The following FOCAD variants were observed in gnomAD, a reference collection of about 807,000 sequenced individuals.
FOCAD encodes the protein KIAA1797.
In FOCAD, 198 loss-of-function variants were observed where a neutral mutation model predicts 225.6. The observed-to-expected ratio is 0.88, with a 90% CI of 0.78 to 0.99. The LOEUF (loss-of-function observed/expected upper bound fraction) is 0.99. Among genes scored for constraint, FOCAD ranks in the 50% least tolerant of loss-of-function variants. The pLI is 0.00. For missense variants in FOCAD, 2,713 were observed against 2,123.6 expected (o/e 1.28, Z -5.46); for synonymous variants, 897 against 755.0 (o/e 1.19, Z -3.08).
intron 15 of FOCAD, among the ~76,000 whole-genome samples, chr9:20,844,727 A>C (rs550188300): frequency 6.6e-6 from 1 of 152,060 alleles, no homozygotes; most frequent in Non-Finnish European, 1.5e-5. Context: ...GCAGAGATCG[A>C]AGTCACTTTG....
intron 11 of FOCAD, among the ~76,000 whole-genome samples, chr9:20,802,131 G>A (rs1480527299): frequency 6.6e-6 from 1 of 152,108 alleles, no homozygotes; most frequent in African/African-American, 2.4e-5. Context: ...AGTGATTTGG[G>A]ATGATTTCTA....
chr9:20,668,005 C>T (rs988260309), intron 2 of FOCAD, among the ~76,000 whole-genome samples: 3 of 152,114 alleles, frequency 2.0e-5, no homozygotes, highest in Non-Finnish European at 4.4e-5. Flanking sequence ...TATTCTTTTA[C>T]ATTTGCTGAA....
intron 35 of FOCAD, among the ~76,000 whole-genome samples, chr9:20,960,900 A>G (rs1006132373): frequency 1.3e-4 from 20 of 152,066 alleles, no homozygotes; most frequent in Non-Finnish European, 2.6e-4. Context: ...AGCTTCATCC[A>G]TGTCCCTACA....
At chr9:20,832,319 G>A (rs998119761) in intron 15 of FOCAD, among the ~76,000 whole-genome samples, 2 of 151,870 alleles carry the variant, frequency 1.3e-5, no homozygotes, top group African/African-American at 2.4e-5. Context: ...CTTTTCTTCT[G>A]TTCTCCCCAA....
chr9:20,783,573 TGA>T, intron 10 of FOCAD, among the ~76,000 whole-genome samples: 1 of 148,544 alleles, frequency 6.7e-6, no homozygotes. Context: ...CAAGATTATT[TGA>T]CTATTGGATT....
chr9:20,986,266 A>ATTTTCTTTTTTTTTTTT, intron 39 of FOCAD, 22 bp from the exon 40 acceptor site: 1 of 705,686 alleles, frequency 1.4e-6, no homozygotes, highest in Non-Finnish European at 1.8e-6. Flanking sequence ...TAACTAAACA[A>ATTTTCTTTTTTTTTTTT]TTTTTTTTTT....
Position 20,986,307 on chromosome 9 carries a change from C to A in FOCAD, c.4748C>A (p.Ala1583Asp). ...TTGCAGAGCAACATAGAAAAAGCTG[C>A]CTTTGTCAAACTGTACTTAGTCTCT... is the stretch of plus-strand genomic sequence containing the variant. The part of the protein sequence containing the change: ...QVTKSNIEKA[A>D]FVKLYLVSQG... The change falls in exon 40 of 44, where the codon GCC becomes GAC. Residue 1583 changes from alanine (A) to aspartate (D), a missense_variant. By Grantham distance (126) the Ala-to-Asp change is moderately radical. Transcript: ENST00000338382. 9.9e-7 allele frequency: 1 copy of A among 1,007,784 alleles called. No homozygotes were observed. Among genetic ancestry groups the A allele is most frequent in the Non-Finnish European group, 1.3e-6 (1 of 785,176 alleles). 62.4% of individuals were successfully genotyped at this position (1,007,784 alleles called of 1,614,324 possible).
At chr9:20,685,501 T>A in intron 1 of FOCAD, among the ~76,000 whole-genome samples, 1 of 152,248 alleles carries the variant, frequency 6.6e-6, no homozygotes, top group East Asian at 1.9e-4. Context: ...AGCAAGTGCA[T>A]GTTTACAATT....
intron 1 of FOCAD, among the ~76,000 whole-genome samples, chr9:20,691,297 C>G (rs890783186): frequency 2.0e-5 from 3 of 152,006 alleles, no homozygotes; most frequent in Non-Finnish European, 1.5e-5. Flanking sequence ...ACCACAATTC[C>G]TGGTTTTCCT....
intron 15 of FOCAD, among the ~76,000 whole-genome samples, chr9:20,854,878 C>A (rs1828011282): frequency 6.6e-6 from 1 of 151,730 alleles, no homozygotes; most frequent in Non-Finnish European, 1.5e-5. Flanking sequence ...GCATTGTAGG[C>A]TGGCAGTTTC....
chr9:20,817,030 A>G (rs1171186511), intron 11 of FOCAD, among the ~76,000 whole-genome samples: 1 of 152,138 alleles, frequency 6.6e-6, no homozygotes, highest in African/African-American at 2.4e-5. Context: ...GTGTCTGACC[A>G]TCCTGGAACC....
chr9:20,897,945 A>T (rs577890772), intron 21 of FOCAD, among the ~76,000 whole-genome samples: 13 of 151,916 alleles, frequency 8.6e-5, no homozygotes, highest in African/African-American at 3.1e-4. Flanking sequence ...AGATTTTCTC[A>T]AATTTTGCTT....
intron 2 of FOCAD, among the ~76,000 whole-genome samples, chr9:20,664,234 A>G (rs1224594605): frequency 6.6e-6 from 1 of 151,190 alleles, no homozygotes; most frequent in East Asian, 1.9e-4. Context: ...AGTTTATAGT[A>G]TTAAATTTAT....
At position 20,929,391 on chromosome 9, in the gene FOCAD, A is replaced by G. The variant is rs372695586; in HGVS notation, c.3112A>G (p.Ile1038Val). ...TTCTGGTGAAAACACAGCTAGTGCC[A>G]TTGCCCGTTCTGCTGCCGCCACGGC... is the stretch of plus-strand genomic sequence containing the variant. ...SYSGENTASA[I>V]ARSAAATALS... The change falls in exon 27 of 44, where the codon ATT (isoleucine) becomes GTT (valine). Residue 1038 changes from isoleucine (I) to valine (V), a missense_variant. Ile to Val is a conservative substitution (Grantham distance 29). Transcript: ENST00000338382. The G allele has an allele frequency of 5.0e-6, 8 of 1,613,948 alleles. No individual in the cohort carries two copies. The highest frequency in any genetic ancestry group is 2.2e-5 in the East Asian group (1 of 44,896).
At chr9:20,735,143 C>T (rs1454423534) in intron 4 of FOCAD, among the ~76,000 whole-genome samples, 2 of 152,244 alleles carry the variant, frequency 1.3e-5, no homozygotes, top group East Asian at 3.9e-4. Flanking sequence ...ATTCTCTGCT[C>T]AGTTTGCTAT....
rs938532205 is a variant in FOCAD, at chr9:20,820,405, A to T, written c.1642A>T (p.Thr548Ser). 1.2e-5 allele frequency: 20 copies of T among 1,612,770 alleles called. No homozygotes were observed. Among genetic ancestry groups the T allele is most frequent in the Non-Finnish European group, 1.6e-5 (19 of 1,179,264 alleles). The change falls in exon 13 of 44, where the codon ACA (threonine) becomes TCA (serine). Residue 548 changes from threonine to serine, a missense_variant. Physicochemically the swap from Thr to Ser is moderately conservative, Grantham distance 58. Transcript: ENST00000338382. ...AAGAGCTGTCACTTTGCGCTTGCTG[A>T]CATCTTTGTGGGAAAAGCAGGTAAT... ...RLRAVTLRLL[T>S]SLWEKQDRVY...
chr9:20,732,403 A>G (rs933885581), intron 4 of FOCAD, among the ~76,000 whole-genome samples: 7 of 152,176 alleles, frequency 4.6e-5, no homozygotes, highest in African/African-American at 1.7e-4. Flanking sequence ...AGTTACAGGA[A>G]ATAGTATGTG....
intron 5 of FOCAD, among the ~76,000 whole-genome samples, chr9:20,750,524 A>T (rs780151494): frequency 1.3e-5 from 2 of 152,198 alleles, no homozygotes; most frequent in Admixed American, 6.6e-5. Context: ...AAAAACAACA[A>T]CAAAAAATGC....
intron 4 of FOCAD, among the ~76,000 whole-genome samples, chr9:20,722,968 T>C (rs1825902798): frequency 6.6e-6 from 1 of 152,240 alleles, no homozygotes; most frequent in Non-Finnish European, 1.5e-5. Flanking sequence ...GCCAATGTAG[T>C]ATCTTCTGTG....
Sources: gnomAD v4.1 joint callset for allele counts (sites outside exome capture counted in the v4.1 genomes callset) on GRCh38, gnomAD v4.1.1 for gene constraint, MANE v1.5 for transcripts, NCBI Gene and HGNC (gene_info 2026-07-23, HGNC 2026-07-21) for gene names.